The following SLC4A10 variants were observed in gnomAD, a reference collection of about 807,000 sequenced individuals.
SLC4A10 encodes the protein solute carrier family 4 member 10.
A neutral mutation model predicts 137.7 loss-of-function variants in SLC4A10; 42 were observed. The observed-to-expected ratio is 0.30, with a 90% CI of 0.24 to 0.39. SLC4A10 has a LOEUF of 0.39. Among genes scored for constraint, SLC4A10 ranks in the 10% least tolerant of loss-of-function variants. The pLI is 1.00. For synonymous variants in SLC4A10, 474 were observed against 464.1 expected, an observed-to-expected ratio of 1.02 and a Z score of -0.27; for missense variants, 925 against 1,355.0, an observed-to-expected ratio of 0.68 and a Z score of 4.98.
At chr2:161,701,798 C>T (rs1303579888) in intron 1 of SLC4A10, among the ~76,000 whole-genome samples, 2 of 151,804 alleles carry the variant, frequency 1.3e-5, no homozygotes, top group African/African-American at 4.8e-5. Flanking sequence ...ACATTTTTAG[C>T]TCCCACATAT....
chr2:161,825,312 C>T (rs2057942137), intron 3 of SLC4A10, among the ~76,000 whole-genome samples: 2 of 151,956 alleles, frequency 1.3e-5, no homozygotes, highest in African/African-American at 4.8e-5. Flanking sequence ...CCATCATCTT[C>T]CTAGCTCTAG....
chr2:161,975,747 A>C (rs1186611609), intron 24 of SLC4A10, among the ~76,000 whole-genome samples: 1 of 152,218 alleles, frequency 6.6e-6, no homozygotes, highest in Non-Finnish European at 1.5e-5. Context: ...ATTTGAACAA[A>C]GAAGGGGCAA....
At chr2:161,908,024 T>C (rs1340748197) in intron 15 of SLC4A10, among the ~76,000 whole-genome samples, 1 of 152,060 alleles carries the variant, frequency 6.6e-6, no homozygotes, top group Non-Finnish European at 1.5e-5. Flanking sequence ...AGGAACATAG[T>C]TTAAAGTCCC....
chr2:161,876,961 A>G (rs1489855068), intron 8 of SLC4A10, among the ~76,000 whole-genome samples: 1 of 152,034 alleles, frequency 6.6e-6, no homozygotes, highest in Non-Finnish European at 1.5e-5. Flanking sequence ...CAAAAGATGA[A>G]TTTGCTTATC....
At chr2:161,781,758 A>G (rs2053042519) in intron 2 of SLC4A10, among the ~76,000 whole-genome samples, 2 of 152,036 alleles carry the variant, frequency 1.3e-5, no homozygotes, top group South Asian at 4.1e-4. Context: ...GGAACAATTC[A>G]CAGAAAAATT....
chr2:161,864,706 A>T (rs1214444195), intron 6 of SLC4A10, among the ~76,000 whole-genome samples: 1 of 152,162 alleles, frequency 6.6e-6, no homozygotes, highest in Non-Finnish European at 1.5e-5. Flanking sequence ...TTCTGAGGAG[A>T]TATAACTTGC....
chr2:161,642,582 T>A (rs1290043390), intron 1 of SLC4A10, among the ~76,000 whole-genome samples: 1 of 152,014 alleles, frequency 6.6e-6, no homozygotes, highest in African/African-American at 2.4e-5. Flanking sequence ...TATTAATGAA[T>A]CTTAAATTTT....
intron 3 of SLC4A10, among the ~76,000 whole-genome samples, chr2:161,828,372 T>C (rs2058168359): frequency 6.6e-6 from 1 of 152,140 alleles, no homozygotes. Context: ...AAAACTAAAT[T>C]ACTGTTTTTT....
chr2:161,859,291 CTTTTCT>C, intron 5 of SLC4A10, among the ~76,000 whole-genome samples: 1 of 149,380 alleles, frequency 6.7e-6, no homozygotes, highest in African/African-American at 2.4e-5. Flanking sequence ...CTTTTCTTTT[CTTTTCT>C]TTTTTTTTTT....
At chr2:161,755,734 T>C (rs1334514340) in intron 1 of SLC4A10, among the ~76,000 whole-genome samples, 1 of 152,140 alleles carries the variant, frequency 6.6e-6, no homozygotes, top group East Asian at 1.9e-4. Context: ...CCAAATACTA[T>C]TTTCTTTACT....
intron 21 of SLC4A10, among the ~76,000 whole-genome samples, chr2:161,959,859 C>G (rs1370811069): frequency 6.6e-6 from 1 of 152,132 alleles, no homozygotes; most frequent in Non-Finnish European, 1.5e-5. Context: ...TTTACAGAAG[C>G]TGTAGGCAAA....
At chr2:161,971,962 A>T (rs1479303748) in intron 23 of SLC4A10, among the ~76,000 whole-genome samples, 1 of 152,112 alleles carries the variant, frequency 6.6e-6, no homozygotes, top group East Asian at 1.9e-4. Context: ...AAAAAACAAA[A>T]TTTTTCCCAA....
chr2:161,802,875 C>T (rs557287108), intron 2 of SLC4A10, among the ~76,000 whole-genome samples: 13 of 152,220 alleles, frequency 8.5e-5, no homozygotes, highest in African/African-American at 3.1e-4. Context: ...AGCCCCACTC[C>T]TATGGCCTCA....
chr2:161,649,177 G>A (rs2036465692), intron 1 of SLC4A10, among the ~76,000 whole-genome samples: 1 of 152,048 alleles, frequency 6.6e-6, no homozygotes. Flanking sequence ...GACCAGCGTG[G>A]GCAACAAAGT....
intron 1 of SLC4A10, among the ~76,000 whole-genome samples, chr2:161,744,083 A>T (rs936994923): frequency 1.3e-5 from 2 of 152,126 alleles, no homozygotes; most frequent in African/African-American, 4.8e-5. Flanking sequence ...AAGAAGGATA[A>T]TTCTATTTAT....
At chr2:161,715,390 C>T (rs1479915645) in intron 1 of SLC4A10, among the ~76,000 whole-genome samples, 3 of 152,030 alleles carry the variant, frequency 2.0e-5, no homozygotes, top group East Asian at 3.9e-4. Context: ...ATACGCAGGT[C>T]TGTTACATAG....
intron 3 of SLC4A10, among the ~76,000 whole-genome samples, chr2:161,820,665 T>C (rs1194437597): frequency 3.3e-5 from 5 of 152,238 alleles, no homozygotes; most frequent in African/African-American, 1.2e-4. Flanking sequence ...TGTGCTTCTA[T>C]ATGCACGGTA....
chr2:161,975,750 AG>A (rs1699285446), intron 24 of SLC4A10, among the ~76,000 whole-genome samples: 1 of 152,214 alleles, frequency 6.6e-6, no homozygotes, highest in African/African-American at 2.4e-5. Context: ...TGAACAAAGA[AG>A]GGGCAAGGTT....
At chr2:161,628,703 A>T (rs568959601) in intron 1 of SLC4A10, among the ~76,000 whole-genome samples, 1 of 152,156 alleles carries the variant, frequency 6.6e-6, no homozygotes, top group African/African-American at 2.4e-5. Flanking sequence ...TAAGAAATTA[A>T]TCCCCGTTTC....
Sources: allele counts gnomAD v4.1 joint callset (sites outside exome capture counted in the v4.1 genomes callset), GRCh38; gene constraint gnomAD v4.1.1; transcripts MANE v1.5; gene names NCBI Gene and HGNC (gene_info 2026-07-23, HGNC 2026-07-21).